Variants in NETO1 observed in about 807,000 individuals in gnomAD.
NETO1 encodes neuropilin and tolloid-like protein 1.
A neutral mutation model predicts 61.3 loss-of-function variants in NETO1; 26 were observed. That is an observed-to-expected ratio of 0.42 (90% confidence interval 0.31 to 0.59). NETO1 has a LOEUF of 0.59. Ranked by LOEUF, NETO1 falls within the 20% of genes least tolerant of loss-of-function variation. The pLI, the probability that NETO1 is intolerant of heterozygous loss-of-function variation, is 0.12. For missense variants in NETO1, 531 were observed against 662.8 expected (o/e 0.80, Z 2.18); for synonymous variants, 225 against 225.8 (o/e 1.00, Z 0.03).
intron 6 of NETO1, among the ~76,000 whole-genome samples, chr18:72,785,811 T>G (rs1209200373): frequency 2.6e-5 from 4 of 152,178 alleles, no homozygotes; most frequent in Non-Finnish European, 5.9e-5. Flanking sequence ...ATTCTCCATC[T>G]TCTGTCTAGG....
intron 4 of NETO1, among the ~76,000 whole-genome samples, chr18:72,847,257 T>TA (rs1360180704): frequency 4.6e-5 from 7 of 152,246 alleles, no homozygotes; most frequent in Admixed American, 2.0e-4. Context: ...TGAACAGTCA[T>TA]ACTTTAGTGT....
chr18:72,858,481 C>T (rs573813000), intron 4 of NETO1, among the ~76,000 whole-genome samples: 1 of 152,242 alleles, frequency 6.6e-6, no homozygotes, highest in East Asian at 1.9e-4. Flanking sequence ...TATAATACTA[C>T]AATTGTCTTT....
chr18:72,773,597 G>A (rs1370255841), intron 7 of NETO1, among the ~76,000 whole-genome samples: 2 of 152,084 alleles, frequency 1.3e-5, no homozygotes, highest in Non-Finnish European at 2.9e-5. Context: ...CCCCCATCCT[G>A]TTCTCACGAT....
chr18:72,853,724 G>A (rs562446531), intron 4 of NETO1, among the ~76,000 whole-genome samples: 23 of 145,986 alleles, frequency 1.6e-4, no homozygotes, highest in African/African-American at 5.4e-4. Flanking sequence ...ACCACTGCAC[G>A]CCAGCCTGAG....
chr18:72,743,067 T>C (rs2070367051), downstream of NETO1, among the ~76,000 whole-genome samples: 1 of 152,224 alleles, frequency 6.6e-6, no homozygotes, highest in Admixed American at 6.5e-5. Flanking sequence ...GTCAGAGGCT[T>C]CTACTGAAAG....
chr18:72,768,042 G>A (rs140209399), intron 7 of NETO1, among the ~76,000 whole-genome samples: 2 of 152,352 alleles, frequency 1.3e-5, no homozygotes, highest in Admixed American at 1.3e-4. Context: ...ACGTAAGAAA[G>A]TGGAAGAACT....
rs1341296691 is a variant in NETO1, at chr18:72,841,733, C to CAAAAAAAAAAAAAAAAAAAAAAAAAAA, written c.469+17092_469+17093insTTTTTTTTTTTTTTTTTTTTTTTTTTT. ...TGGGAGACAGAGTGAGACTCTACCTCAACAAAAAAAAAAAAAAAAAAAAAG... is the reference window on the plus strand; with the variant it reads ...TGGGAGACAGAGTGAGACTCTACCTCAAAAAAAAAAAAAAAAAAAAAAAAAAAAACAAAAAAAAAAAAAAAAAAAAAG... On this transcript the variant is annotated intron_variant, in intron 4 of 10. Coordinates refer to ENST00000327305, the MANE Select transcript of NETO1 (RefSeq NM_138966.5). 5.6e-5 allele frequency among the ~76,000 whole-genome samples: 4 copies of CAAAAAAAAAAAAAAAAAAAAAAAAAAA among 70,992 alleles called. 2 individuals are homozygous for CAAAAAAAAAAAAAAAAAAAAAAAAAAA. 46.6% of individuals were successfully genotyped at this position (70,992 alleles called of 152,430 possible). A position where few individuals can be genotyped will look rare whatever the true frequency, so the allele number is the denominator to read the frequency against.
intron 7 of NETO1, among the ~76,000 whole-genome samples, chr18:72,766,364 C>T (rs746062432): frequency 1.1e-4 from 17 of 151,252 alleles, no homozygotes; most frequent in Admixed American, 1.1e-3. Flanking sequence ...AATTTTTTTC[C>T]AAAACAAATG....
At chr18:72,833,560 C>T (rs1016997596) in intron 4 of NETO1, among the ~76,000 whole-genome samples, 2 of 152,166 alleles carry the variant, frequency 1.3e-5, no homozygotes, top group South Asian at 4.1e-4. Flanking sequence ...ACTCCATTAC[C>T]GTCTCTCACT....
intron 4 of NETO1, among the ~76,000 whole-genome samples, chr18:72,831,075 G>C (rs866979354): frequency 6.6e-6 from 1 of 152,124 alleles, no homozygotes; most frequent in Non-Finnish European, 1.5e-5. Context: ...CTTCTGGCCA[G>C]CCATTTCAGT....
Position 72,867,366 on chromosome 18 carries a change from G to A in NETO1, c.-75C>T. The stretch of plus-strand genomic sequence containing the variant: ...ACGGGAAGACTTCCAGTGGCGGGGG[G>A]AGGACAGGGTCGAGAGGTGTTAAAG... On this transcript the variant is annotated 5_prime_UTR_variant, in exon 1 of 11. Coordinates refer to ENST00000327305, the MANE Select transcript of NETO1 (RefSeq NM_138966.5). 7.6e-7 allele frequency: 1 copy of A among 1,313,728 alleles called. No homozygotes were observed. Among genetic ancestry groups the A allele is most frequent in the Non-Finnish European group, 1.0e-6 (1 of 953,812 alleles). 81.4% of individuals were successfully genotyped at this position (1,313,728 alleles called of 1,614,324 possible). A position where few individuals can be genotyped will look rare whatever the true frequency, so the allele number is the denominator to read the frequency against.
At chr18:72,804,561 G>C (rs2072613561) in intron 4 of NETO1, among the ~76,000 whole-genome samples, 1 of 152,154 alleles carries the variant, frequency 6.6e-6, no homozygotes, top group Admixed American at 6.5e-5. Flanking sequence ...GCTGTCTCTA[G>C]AACATTGAAC....
intron 4 of NETO1, among the ~76,000 whole-genome samples, chr18:72,810,408 A>C (rs2145200264): frequency 6.6e-6 from 1 of 152,332 alleles, no homozygotes; most frequent in East Asian, 1.9e-4. Flanking sequence ...GGGAATGTGA[A>C]GAATGATTAT....
rs1046947563 is a variant in NETO1 at position 72,830,219 on chromosome 18, C to T, written c.469+28607G>A. Among the ~76,000 whole-genome samples, 2 of 152,040 alleles carry T rather than the reference C, an allele frequency of 1.3e-5. No individual in the cohort carries two copies. The highest frequency in any genetic ancestry group is 2.4e-5 in the African/African-American group (1 of 41,392). Reference sequence around the variant, plus strand: ...GCGGCACAGGGAAGGAAGCAGCCCTCCCAAGAGACGGGAACAGCAGTGCTA... The same window carrying T: ...GCGGCACAGGGAAGGAAGCAGCCCTTCCAAGAGACGGGAACAGCAGTGCTA... On this transcript the variant is annotated intron_variant, in intron 4 of 10. Transcript: ENST00000327305. The surrounding 1 kb of genome is among the most constrained non-coding windows in gnomAD (Gnocchi z 4.9).
chr18:72,794,893 T>A (rs558110990), intron 4 of NETO1, among the ~76,000 whole-genome samples: 47 of 152,318 alleles, frequency 3.1e-4, no homozygotes, highest in African/African-American at 1.1e-3. Context: ...ACTAGAATAT[T>A]TGAAGCACAA....
intron 7 of NETO1, among the ~76,000 whole-genome samples, chr18:72,777,438 A>C (rs1205750457): frequency 2.2e-5 from 2 of 91,880 alleles, no homozygotes; most frequent in East Asian, 2.9e-4. Flanking sequence ...AAACAAAACA[A>C]CAACAAAAAA....
chr18:72,752,410 C>T (rs1450874313), intron 8 of NETO1, among the ~76,000 whole-genome samples: 2 of 152,114 alleles, frequency 1.3e-5, no homozygotes, highest in African/African-American at 2.4e-5. Flanking sequence ...CTGTTAAAAC[C>T]GTGTTGCCCA....
In NETO1 at chr18:72,750,375, C is replaced by T. The variant is rs762632478; in HGVS notation, c.1228G>A (p.Val410Met). 8 of 1,614,002 alleles carry T rather than the reference C, an allele frequency of 5.0e-6. No homozygotes were observed. Among genetic ancestry groups the T allele is most frequent in the South Asian group, 2.2e-5 (2 of 91,084 alleles). The change falls in exon 9 of 11, where the codon GTG (valine) becomes ATG (methionine). Residue 410 changes from valine (V) to methionine (M), a missense_variant. Val to Met is a conservative substitution (Grantham distance 21). Coordinates refer to ENST00000327305, the MANE Select transcript of NETO1 (RefSeq NM_138966.5). Reference protein sequence around the residue: ...GTGATADFADVADDFENYHKL... With the variant: ...GTGATADFADMADDFENYHKL... ...TGGTAATTTTCAAAGTCATCTGCCA[C>T]ATCTGCAAAGTCAGCTGTAGCTCCT...
intron 4 of NETO1, among the ~76,000 whole-genome samples, chr18:72,850,895 C>T (rs935266391): frequency 3.9e-5 from 6 of 152,136 alleles, no homozygotes; most frequent in African/African-American, 1.4e-4. Context: ...CATAAAACAA[C>T]ATTTTGTAGA....
Sources: allele counts gnomAD v4.1 joint callset (sites outside exome capture counted in the v4.1 genomes callset), GRCh38; gene constraint gnomAD v4.1.1; non-coding constraint Gnocchi (gnomAD v3.1); transcripts MANE v1.5; gene names NCBI Gene and HGNC (gene_info 2026-07-23, HGNC 2026-07-21).